CRTAC1: variants seen among roughly 807,000 people sequenced by gnomAD.
CRTAC1 encodes cartilage acidic protein 1, also known as acidic secreted protein in cartilage.
CRTAC1 carries 37 observed loss-of-function variants against 67.8 expected under a neutral mutation model. The observed-to-expected ratio is 0.55, with a 90% confidence interval of 0.42 to 0.72. CRTAC1 has a LOEUF of 0.72. Ranked by LOEUF, CRTAC1 falls within the 30% of genes least tolerant of loss-of-function variation. The pLI, the probability that CRTAC1 is intolerant of heterozygous loss-of-function variation, is 0.00. For missense variants in CRTAC1, 780 were observed against 931.6 expected, an observed-to-expected ratio of 0.84 and a Z score of 2.12; for synonymous variants, 348 against 371.0, an observed-to-expected ratio of 0.94 and a Z score of 0.71.
rs372404888 is a variant in CRTAC1 at position 98,003,256 on chromosome 10, G to A, written c.224+7882C>T. On this transcript the variant is annotated intron_variant, in intron 2 of 14. Transcript: ENST00000370597. ...CACCAAGCATTCAACATTTTATCTC[G>A]TGTTTTAGTTTTCCATGGCTGCTTT... Among the ~76,000 whole-genome samples, 202 of 152,210 alleles carry A rather than the reference G, an allele frequency of 1.3e-3. 8 individuals are homozygous for A. Among genetic ancestry groups the A allele is most frequent in the Non-Finnish European group, 3.2e-4 (22 of 68,016 alleles).
At chr10:97,933,413 C>T (rs1425092351) in intron 3 of CRTAC1, among the ~76,000 whole-genome samples, 2 of 152,266 alleles carry the variant, frequency 1.3e-5, no homozygotes, top group Non-Finnish European at 2.9e-5. Context: ...CCTTTCTTGA[C>T]TTCCCTCAGT....
intron 2 of CRTAC1, among the ~76,000 whole-genome samples, chr10:97,989,797 C>T (rs1842404683): frequency 6.6e-6 from 1 of 152,208 alleles, no homozygotes; most frequent in Non-Finnish European, 1.5e-5. Flanking sequence ...TCTAAGGTCC[C>T]ACAGCTAGGA....
At chr10:97,935,475 G>T (rs1031300064) in intron 3 of CRTAC1, among the ~76,000 whole-genome samples, 4 of 152,152 alleles carry the variant, frequency 2.6e-5, no homozygotes, top group Non-Finnish European at 5.9e-5. Flanking sequence ...CCTGGGAGCG[G>T]GTCAGAAGTG....
chr10:97,904,912 G>A, intron 6 of CRTAC1, 98 bp from the exon 7 acceptor site: 1 of 1,367,806 alleles, frequency 7.3e-7, no homozygotes, highest in Non-Finnish European at 9.6e-7. Flanking sequence ...TAGGGAGGGT[G>A]ACTCTCATCT....
chr10:97,959,273 T>C (rs1348555259), intron 2 of CRTAC1, among the ~76,000 whole-genome samples: 1 of 151,906 alleles, frequency 6.6e-6, no homozygotes, highest in Admixed American at 6.6e-5. Flanking sequence ...GCAAGAAAAA[T>C]AAGCAAAGGG....
intron 2 of CRTAC1, among the ~76,000 whole-genome samples, chr10:97,940,452 C>T (rs966071353): frequency 1.3e-5 from 2 of 152,212 alleles, no homozygotes; most frequent in African/African-American, 4.8e-5. Context: ...GGGCAAGGTC[C>T]CATGTTTTGA....
intron 11 of CRTAC1, among the ~76,000 whole-genome samples, chr10:97,890,635 C>A (rs1360998824): frequency 5.3e-5 from 8 of 151,938 alleles, no homozygotes; most frequent in Admixed American, 5.2e-4. Context: ...ATCCATTCCT[C>A]TGTTCTGCAT....
intron 14 of CRTAC1, among the ~76,000 whole-genome samples, chr10:97,876,074 G>A (rs1409632837): frequency 6.6e-6 from 1 of 152,154 alleles, no homozygotes; most frequent in Non-Finnish European, 1.5e-5. Flanking sequence ...TAGGCCTCCA[G>A]GGGCTCCATT....
rs560711334 is a variant in CRTAC1 at position 97,975,609 on chromosome 10, G to A, written c.224+35529C>T. ...CCATTTCTGTTACAACTGGCAGCCA[G>A]TCTTCTGCATAGTTCTAAGATGGAC... On this transcript the variant is annotated intron_variant, in intron 2 of 14. Coordinates refer to ENST00000370597, the MANE Select transcript of CRTAC1 (RefSeq NM_018058.7). The surrounding 1 kb of genome is among the most constrained non-coding windows in gnomAD (Gnocchi z 4.8). 1.1e-4 allele frequency among the ~76,000 whole-genome samples: 17 copies of A among 152,316 alleles called. No homozygotes were observed. In the South Asian group the frequency reaches 3.5e-3, roughly 32 times the overall value.
intron 2 of CRTAC1, among the ~76,000 whole-genome samples, chr10:97,938,310 G>A (rs1417909059): frequency 1.3e-5 from 2 of 152,198 alleles, no homozygotes; most frequent in African/African-American, 4.8e-5. Flanking sequence ...GGCTGAACAC[G>A]AGTCTTGCAA....
chr10:98,015,478 C>G lies in CRTAC1; in HGVS notation c.25-4141G>C, dbSNP rs1344985419. ...GTACATAACATCACTAAAGTATATA[C>G]TTAAATATGGTTAAAATTGCAAATT... is the stretch of plus-strand genomic sequence containing the variant. On this transcript the variant is annotated intron_variant, in intron 1 of 14. Coordinates refer to ENST00000370597, the MANE Select transcript of CRTAC1 (RefSeq NM_018058.7). Among the ~76,000 whole-genome samples the G allele has an allele frequency of 2.0e-5, 3 of 152,072 alleles. No individual in the cohort carries two copies. In the East Asian group the frequency reaches 5.8e-4, roughly 29 times the overall value.
intron 11 of CRTAC1, among the ~76,000 whole-genome samples, chr10:97,887,489 C>A (rs930889121): frequency 6.6e-6 from 1 of 152,150 alleles, no homozygotes; most frequent in African/African-American, 2.4e-5. Flanking sequence ...GTGATCCACC[C>A]AGCCTCGGCC....
intron 11 of CRTAC1, among the ~76,000 whole-genome samples, chr10:97,886,179 G>C (rs1204513889): frequency 6.6e-6 from 1 of 152,180 alleles, no homozygotes; most frequent in Non-Finnish European, 1.5e-5. Context: ...CATGATGAGG[G>C]AGGTTCCAGA....
chr10:97,973,926 C>T (rs1590253340), intron 2 of CRTAC1, among the ~76,000 whole-genome samples: 2 of 147,434 alleles, frequency 1.4e-5, no homozygotes, highest in East Asian at 2.0e-4. Context: ...TGCACACAGC[C>T]TGGGGAGACA....
At chr10:97,920,591 C>T (rs190888742) in intron 4 of CRTAC1, among the ~76,000 whole-genome samples, 12 of 152,256 alleles carry the variant, frequency 7.9e-5, no homozygotes, top group Admixed American at 7.2e-4. Context: ...CTAACGAGTT[C>T]CCAGATGATG....
chr10:97,958,481 A>G (rs2051475018), intron 2 of CRTAC1, among the ~76,000 whole-genome samples: 2 of 152,168 alleles, frequency 1.3e-5, no homozygotes, highest in Admixed American at 6.5e-5. Flanking sequence ...TTTTTAACCA[A>G]CAGACTTTAT....
intron 3 of CRTAC1, 148 bp downstream of exon 3, chr10:97,936,022 C>G: frequency 1.4e-6 from 1 of 694,342 alleles, no homozygotes; most frequent in Non-Finnish European, 2.4e-6. Flanking sequence ...TTCTGGGACC[C>G]AGGGAGGTCC....
intron 2 of CRTAC1, among the ~76,000 whole-genome samples, chr10:97,994,885 C>G (rs1447041432): frequency 6.6e-6 from 1 of 152,160 alleles, no homozygotes; most frequent in Non-Finnish European, 1.5e-5. Flanking sequence ...ATCCGGCCAC[C>G]TTATCCTGTG....
chr10:97,964,082 CCTT>C, intron 2 of CRTAC1, among the ~76,000 whole-genome samples: 2 of 152,338 alleles, frequency 1.3e-5, no homozygotes, highest in Non-Finnish European at 2.9e-5. Flanking sequence ...ATCCTTTCCT[CCTT>C]CTCCTACCTG....
Sources: gnomAD v4.1 joint callset for allele counts (sites outside exome capture counted in the v4.1 genomes callset) on GRCh38, gnomAD v4.1.1 for gene constraint, Gnocchi (gnomAD v3.1) non-coding constraint, MANE v1.5 for transcripts, NCBI Gene and HGNC (gene_info 2026-07-23, HGNC 2026-07-21) for gene names.